The following RFFL variants were observed in gnomAD, a reference collection of about 807,000 sequenced individuals.
The protein encoded by RFFL is ring finger and FYVE like domain containing E3 ubiquitin protein ligase, also known as E3 ubiquitin-protein ligase rififylin.
In RFFL, 16 loss-of-function variants were observed where a neutral mutation model predicts 40.4. The observed-to-expected ratio is 0.40, with a 90% CI of 0.27 to 0.60. The LOEUF is 0.60. Among genes scored for constraint, RFFL ranks in the 20% least tolerant of loss-of-function variants. The pLI is 0.47. For missense variants in RFFL, 367 were observed against 451.7 expected, an observed-to-expected ratio of 0.81 and a Z score of 1.70; for synonymous variants, 154 against 167.9, an observed-to-expected ratio of 0.92 and a Z score of 0.64.
chr17:35,034,945 TGAAC>T (rs1254509552), intron 1 of RFFL, among the ~76,000 whole-genome samples: 1 of 152,156 alleles, frequency 6.6e-6, no homozygotes, highest in Non-Finnish European at 1.5e-5. Context: ...TAGCTCAACT[TGAAC>T]ATCTTGATAC....
intron 1 of RFFL, among the ~76,000 whole-genome samples, chr17:35,072,711 C>G (rs2091357042): frequency 1.3e-5 from 2 of 151,652 alleles, no homozygotes; most frequent in South Asian, 4.2e-4. Context: ...GTTTTTGCAA[C>G]TTCCTGTGAA....
intron 1 of RFFL, among the ~76,000 whole-genome samples, chr17:35,071,223 A>T (rs1214988448): frequency 6.6e-6 from 1 of 151,946 alleles, no homozygotes; most frequent in Non-Finnish European, 1.5e-5. Context: ...ACAAAAATTT[A>T]AAAATGATGA....
chr17:35,029,926 G>A (rs888138216), intron 1 of RFFL, among the ~76,000 whole-genome samples: 4 of 148,606 alleles, frequency 2.7e-5, no homozygotes, highest in African/African-American at 1.0e-4. Flanking sequence ...CCACCTATGA[G>A]CGAGAACATG....
rs772810004 is a variant in RFFL at position 35,021,601 on chromosome 17, C to T, written c.361G>A (p.Glu121Lys). 1.7e-5 allele frequency: 28 copies of T among 1,614,104 alleles called. No individual in the cohort carries two copies. Among genetic ancestry groups the T allele is most frequent in the Non-Finnish European group, 2.2e-5 (26 of 1,180,050 alleles). The stretch of plus-strand genomic sequence containing the variant: ...AGCTCTTCTTTCTCCCGGCACATTT[C>T]GGTAGAGATGTCATGGAGGCTGAGA... The part of the protein sequence containing the change: ...DYLSLHDIST[E>K]MCREKEELVL... The change falls in exon 3 of 7, where the codon GAA becomes AAA. Residue 121 changes from glutamate to lysine, a missense_variant. Physicochemically the swap from Glu to Lys is moderately conservative, Grantham distance 56 (BLOSUM62 1). Coordinates refer to ENST00000394597, the MANE Select transcript of RFFL (RefSeq NM_001017368.2).
chr17:35,034,675 G>GCA (rs1453379565), intron 1 of RFFL, among the ~76,000 whole-genome samples: 14 of 151,948 alleles, frequency 9.2e-5, no homozygotes, highest in Non-Finnish European at 1.5e-4. Context: ...ACAACAGGGA[G>GCA]TTACCACACC....
intron 1 of RFFL, among the ~76,000 whole-genome samples, chr17:35,057,629 T>C (rs1404394925): frequency 6.7e-6 from 1 of 149,462 alleles, no homozygotes; most frequent in Non-Finnish European, 1.5e-5. Flanking sequence ...GTGCTTCATT[T>C]CTAAATGCCT....
intron 1 of RFFL, 56 bp downstream of exon 1, chr17:35,063,520 G>A (rs2091305889): frequency 7.3e-6 from 1 of 137,730 alleles, no homozygotes; most frequent in African/African-American, 2.7e-5. Flanking sequence ...GATTTTCCCA[G>A]TTTCTAATGC....
intron 1 of RFFL, among the ~76,000 whole-genome samples, chr17:35,027,724 CAAAA>C (rs34594614): frequency 3.3e-5 from 3 of 90,312 alleles, no homozygotes; most frequent in South Asian, 3.9e-4. Flanking sequence ...AACTCCGTCT[CAAAA>C]AAAAAAAAAA....
chr17:35,051,776 T>C (rs2091233312), intron 1 of RFFL, among the ~76,000 whole-genome samples: 1 of 152,020 alleles, frequency 6.6e-6, no homozygotes, highest in African/African-American at 2.4e-5. Context: ...CAGAAGGGAG[T>C]GACTGAGACA....
intron 1 of RFFL, among the ~76,000 whole-genome samples, chr17:35,071,119 A>C (rs1447071340): frequency 6.7e-6 from 1 of 149,454 alleles, no homozygotes. Context: ...AATTGCTTGA[A>C]CCTGGGAGGC....
intron 1 of RFFL, among the ~76,000 whole-genome samples, chr17:35,044,712 T>C (rs2142349719): frequency 6.6e-6 from 1 of 152,304 alleles, no homozygotes; most frequent in Admixed American, 6.5e-5. Flanking sequence ...TATCCTATTC[T>C]TTCAGTTCTT....
At position 35,026,234 on chromosome 17, in the gene RFFL, C is replaced by T. The variant is rs543441900; in HGVS notation, c.180+140G>A. ...TTTTACTCAGTTAGTTCTTCTTGAA[C>T]ATTTTTGTGAAAGGGACAGCTCTGG... On this transcript the variant is annotated intron_variant, in intron 2 of 6. Coordinates refer to ENST00000394597, the MANE Select transcript of RFFL (RefSeq NM_001017368.2). The T allele has an allele frequency of 5.0e-6, 4 of 801,628 alleles. No homozygotes were observed. In the African/African-American group the frequency reaches 7.2e-5, roughly 14 times the overall value. The allele number at this position is 801,628 out of a possible 1,614,324, so 49.7% of individuals were successfully genotyped here. A position where few individuals can be genotyped will look rare whatever the true frequency, so the allele number is the denominator to read the frequency against.
At chr17:35,071,992 C>T (rs1233978587) in intron 1 of RFFL, among the ~76,000 whole-genome samples, 1 of 152,022 alleles carries the variant, frequency 6.6e-6, no homozygotes, top group Non-Finnish European at 1.5e-5. Flanking sequence ...ACAAAAAATA[C>T]ATTCGAGGCT....
chr17:35,077,622 G>A (rs541851735), intron 1 of RFFL, among the ~76,000 whole-genome samples: 1 of 152,276 alleles, frequency 6.6e-6, no homozygotes, highest in East Asian at 1.9e-4. Context: ...TTGTTCTGAA[G>A]GAATCAAAGT....
At position 35,008,007 on chromosome 17, in the gene RFFL, C is replaced by T. The variant is rs2090908101; in HGVS notation, c.*3961G>A. The T allele has an allele frequency of 6.6e-6, 1 of 152,310 alleles. No individual in the cohort carries two copies. Among genetic ancestry groups the T allele is most frequent in the African/African-American group, 2.4e-5 (1 of 41,454 alleles). 9.4% of individuals were successfully genotyped at this position (152,310 alleles called of 1,614,324 possible). A position where few individuals can be genotyped will look rare whatever the true frequency, so the allele number is the denominator to read the frequency against. ...CCACGCACCTCAGCCTCCCAAAGTG[C>T]TGGGATTACAGGCGTGAGCCATGGC... is the stretch of plus-strand genomic sequence containing the variant. On this transcript the variant is annotated 3_prime_UTR_variant, in exon 7 of 7. Transcript: ENST00000394597.
At chr17:35,045,828 A>G (rs1427541117) in intron 1 of RFFL, among the ~76,000 whole-genome samples, 1 of 151,972 alleles carries the variant, frequency 6.6e-6, no homozygotes, top group Non-Finnish European at 1.5e-5. Context: ...GTTTGAGACC[A>G]GCCTGGCCAA....
rs1055333917 is a variant in RFFL, at chr17:35,017,465, C to T, written c.675+58G>A. The T allele has an allele frequency of 3.9e-5, 43 of 1,097,994 alleles. No individual in the cohort carries two copies. In the South Asian group the frequency reaches 4.5e-4, roughly 11 times the overall value. The allele number at this position is 1,097,994 out of a possible 1,614,324, so 68.0% of individuals were successfully genotyped here. A position where few individuals can be genotyped will look rare whatever the true frequency, so the allele number is the denominator to read the frequency against. On this transcript the variant is annotated intron_variant, in intron 4 of 6. Transcript: ENST00000394597. ...CTCCACTCGACTCTGCTAAGAGGTT[C>T]CGAAGAACACCAGTGAAAGAGGAAA... is the stretch of plus-strand genomic sequence containing the variant.
intron 1 of RFFL, among the ~76,000 whole-genome samples, chr17:35,040,061 AC>A (rs2091153971): frequency 6.6e-6 from 1 of 152,146 alleles, no homozygotes; most frequent in African/African-American, 2.4e-5. Flanking sequence ...CTTCAAGGTC[AC>A]CAAGGAATTC....
upstream of RFFL, among the ~76,000 whole-genome samples, chr17:35,066,949 A>G (rs552245954): frequency 3.7e-3 from 559 of 152,142 alleles, 3 homozygotes; most frequent in African/African-American, 0.012. Flanking sequence ...CATCTAATAA[A>G]TCACAGAAAT....
Sources: allele counts gnomAD v4.1 joint callset (sites outside exome capture counted in the v4.1 genomes callset), GRCh38; gene constraint gnomAD v4.1.1; transcripts MANE v1.5; gene names NCBI Gene and HGNC (gene_info 2026-07-23, HGNC 2026-07-21).